The following FMN1 variants were observed in gnomAD, a reference collection of about 807,000 sequenced individuals.
FMN1 encodes formin 1.
FMN1 carries 110 observed loss-of-function variants against 132.4 expected under a neutral mutation model. That is an observed-to-expected ratio of 0.83 (90% CI 0.71 to 0.97). The LOEUF (loss-of-function observed/expected upper bound fraction) is 0.97, where lower values mean the gene tolerates loss of function less well. Ranked by LOEUF, FMN1 falls within the 50% of genes least tolerant of loss-of-function variation. FMN1 has a pLI of 0.00. For synonymous variants in FMN1, 722 were observed against 651.7 expected, an observed-to-expected ratio of 1.11 and a Z score of -1.64; for missense variants, 1,792 against 1,705.3, an observed-to-expected ratio of 1.05 and a Z score of -0.90.
chr15:33,013,996 A>C (rs141747798), intron 6 of FMN1, among the ~76,000 whole-genome samples: 60 of 150,790 alleles, frequency 4.0e-4, no homozygotes, highest in African/African-American at 1.4e-3. Flanking sequence ...CAAAGCTAAC[A>C]TCTAGGAAAG....
intron 9 of FMN1, among the ~76,000 whole-genome samples, chr15:32,940,487 G>A (rs1244162344): frequency 1.3e-5 from 2 of 150,134 alleles, no homozygotes; most frequent in Non-Finnish European, 3.0e-5. Context: ...TATAAATAAC[G>A]GATACAGGAG....
intron 16 of FMN1, among the ~76,000 whole-genome samples, chr15:32,886,452 G>A (rs760669240): frequency 6.6e-6 from 1 of 152,198 alleles, no homozygotes; most frequent in Admixed American, 6.5e-5. Flanking sequence ...GATCCGGAAC[G>A]ACAATTCAGA....
At chr15:33,186,438 G>A (rs1213197580) in intron 2 of FMN1, among the ~76,000 whole-genome samples, 1 of 151,808 alleles carries the variant, frequency 6.6e-6, no homozygotes, top group East Asian at 1.9e-4. Flanking sequence ...CTGTTCTCTA[G>A]TTTATCAGTG....
chr15:32,807,962 C>T (rs1301237622), intron 17 of FMN1, among the ~76,000 whole-genome samples: 2 of 152,164 alleles, frequency 1.3e-5, no homozygotes, highest in Non-Finnish European at 2.9e-5. Flanking sequence ...GGCCATTACA[C>T]ATTTTAAGTC....
chr15:33,162,891 C>T (rs953516586), intron 3 of FMN1, among the ~76,000 whole-genome samples: 2 of 152,118 alleles, frequency 1.3e-5, no homozygotes, highest in African/African-American at 4.8e-5. Context: ...CCAAGGCAGG[C>T]AGATCACCTG....
At chr15:32,879,337 G>A (rs1596158707) in intron 16 of FMN1, among the ~76,000 whole-genome samples, 1 of 152,142 alleles carries the variant, frequency 6.6e-6, no homozygotes, top group African/African-American at 2.4e-5. Context: ...TCTCGTACCA[G>A]AGCTCAGACT....
At chr15:32,926,137 T>C (rs778380740) in intron 10 of FMN1, 37 bp downstream of exon 10, 3 of 1,140,532 alleles carry the variant, frequency 2.6e-6, no homozygotes, top group Non-Finnish European at 3.8e-6. Flanking sequence ...TTTTAAAAAA[T>C]GGAAAAAGTA....
At chr15:32,825,047 C>T (rs921512) in intron 17 of FMN1, among the ~76,000 whole-genome samples, 32,710 of 152,146 alleles carry the variant, frequency 0.21, 3,883 homozygotes, top group East Asian at 0.51. Context: ...ACAACTCCTA[C>T]GTTTAAATCC....
At chr15:32,801,584 C>G (rs11635639) in intron 18 of FMN1, among the ~76,000 whole-genome samples, 4 of 151,842 alleles carry the variant, frequency 2.6e-5, no homozygotes, top group Non-Finnish European at 4.4e-5. Context: ...GGCTAACATG[C>G]TGAAACCCCA....
chr15:32,981,229 C>T (rs554109452), intron 7 of FMN1, among the ~76,000 whole-genome samples: 1 of 151,876 alleles, frequency 6.6e-6, no homozygotes, highest in Non-Finnish European at 1.5e-5. Flanking sequence ...CGGTGGCTCA[C>T]GCCTGTAATC....
chr15:33,110,302 A>C (rs1489640668), intron 4 of FMN1, among the ~76,000 whole-genome samples: 1 of 152,100 alleles, frequency 6.6e-6, no homozygotes, highest in African/African-American at 2.4e-5. Context: ...TAACTGAAAC[A>C]ATATTTATGA....
Position 32,950,054 on chromosome 15 carries a change from C to CATATATATATATACACATATACACATAT in FMN1, c.3138+14052_3138+14053insATATGTGTATATGTGTATATATATATAT, listed in dbSNP as rs1567449834. ...ATATACACATATATATATATATACA[C>CATATATATATATACACATATACACATAT]ATATATATATATATATATATATATA... On this transcript the variant is annotated intron_variant, in intron 9 of 20. Coordinates refer to ENST00000616417, the MANE Select transcript of FMN1 (RefSeq NM_001277313.2). 2.2e-3 allele frequency among the ~76,000 whole-genome samples: 11 copies of CATATATATATATACACATATACACATAT among 4,922 alleles called. 3 individuals are homozygous for CATATATATATATACACATATACACATAT. Among genetic ancestry groups the CATATATATATATACACATATACACATAT allele is most frequent in the Non-Finnish European group, 5.9e-3 (11 of 1,878 alleles). The allele number at this position is 4,922 out of a possible 152,430, so 3.2% of individuals were successfully genotyped here.
At chr15:33,085,088 G>A (rs1398176770) in intron 5 of FMN1, among the ~76,000 whole-genome samples, 2 of 152,130 alleles carry the variant, frequency 1.3e-5, no homozygotes, top group African/African-American at 4.8e-5. Context: ...ATTAACAGCA[G>A]GCTATTTTTT....
chr15:33,014,869 T>G (rs1386094969), intron 6 of FMN1, among the ~76,000 whole-genome samples: 2 of 152,220 alleles, frequency 1.3e-5, no homozygotes, highest in East Asian at 1.9e-4. Context: ...TAACCACTGC[T>G]GAAGTCCATC....
chr15:33,022,564 T>C (rs988686275), intron 6 of FMN1, among the ~76,000 whole-genome samples: 1 of 152,238 alleles, frequency 6.6e-6, no homozygotes, highest in Non-Finnish European at 1.5e-5. Context: ...CCTAAGCCTA[T>C]GTAACAATGA....
chr15:32,816,191 G>A (rs1448140464), intron 17 of FMN1, among the ~76,000 whole-genome samples: 1 of 152,182 alleles, frequency 6.6e-6, no homozygotes, highest in South Asian at 2.1e-4. Context: ...TTAGTAATAC[G>A]TGTATCCCTA....
intron 7 of FMN1, among the ~76,000 whole-genome samples, chr15:32,988,705 C>T (rs1461250151): frequency 3.3e-5 from 5 of 152,184 alleles, no homozygotes; most frequent in South Asian, 2.1e-4. Flanking sequence ...GTGAATCTTA[C>T]AGGGTGGCCA....
chr15:33,146,787 CCA>C (rs1297653961), intron 4 of FMN1, among the ~76,000 whole-genome samples: 3 of 152,144 alleles, frequency 2.0e-5, no homozygotes, highest in Non-Finnish European at 2.9e-5. Context: ...GAGATCGGCA[CCA>C]CAGTCATTTA....
intron 17 of FMN1, among the ~76,000 whole-genome samples, chr15:32,840,778 G>T (rs2058729115): frequency 6.6e-6 from 1 of 152,146 alleles, no homozygotes; most frequent in Non-Finnish European, 1.5e-5. Context: ...TGCCCCATTT[G>T]TACAGAACAT....
Sources: allele counts gnomAD v4.1 joint callset (sites outside exome capture counted in the v4.1 genomes callset), GRCh38; gene constraint gnomAD v4.1.1; transcripts MANE v1.5; gene names NCBI Gene and HGNC (gene_info 2026-07-23, HGNC 2026-07-21).